The following FSTL4 variants were observed in gnomAD, a reference collection of about 807,000 sequenced individuals.
FSTL4 encodes follistatin-related protein 4.
A neutral mutation model predicts 78.2 loss-of-function variants in FSTL4; 28 were observed. That is an observed-to-expected ratio of 0.36 (90% CI 0.27 to 0.49). The LOEUF (loss-of-function observed/expected upper bound fraction) is 0.49, where lower values mean the gene tolerates loss of function less well. Ranked by LOEUF, FSTL4 falls within the 20% of genes least tolerant of loss-of-function variation. The pLI is 0.98. For synonymous variants in FSTL4, 422 were observed against 440.5 expected, an observed-to-expected ratio of 0.96 and a Z score of 0.53; for missense variants, 922 against 1,084.9, an observed-to-expected ratio of 0.85 and a Z score of 2.11.
At chr5:133,643,356 C>T in the FSTL4 span, among the ~76,000 whole-genome samples, 1 of 152,174 alleles carries the variant, frequency 6.6e-6, no homozygotes, top group African/African-American at 2.4e-5. Flanking sequence ...TCATCAAAAA[C>T]CCTATAAGGC....
chr5:133,463,534 G>C (rs889298804), intron 3 of FSTL4, among the ~76,000 whole-genome samples: 3 of 152,152 alleles, frequency 2.0e-5, no homozygotes, highest in African/African-American at 7.2e-5. Flanking sequence ...CCTGTGCTTT[G>C]TGTTTCTTCT....
At chr5:133,249,875 C>T (rs1240057090) in intron 6 of FSTL4, among the ~76,000 whole-genome samples, 1 of 152,200 alleles carries the variant, frequency 6.6e-6, no homozygotes, top group Non-Finnish European at 1.5e-5. Flanking sequence ...ATGTGGGCTG[C>T]GAAGGCCAGG....
Position 133,611,484 on chromosome 5 carries a change from TC to T in FSTL4, c.-11+840del, listed in dbSNP as rs1761090763. On this transcript the variant is annotated intron_variant, in intron 1 of 15. Coordinates refer to ENST00000265342, the MANE Select transcript of FSTL4 (RefSeq NM_015082.2). This position sits in a 1 kb window ranked among gnomAD's most constrained non-coding sequence, Gnocchi z 4.9. ...GCTGTGCCTGCCTCGTCCAGGTCCC[TC>T]CTGAAACTCAGAACTCGTCTTTGTT... Among the ~76,000 whole-genome samples, 2 of 152,146 alleles carry T rather than the reference TC, an allele frequency of 1.3e-5. No homozygotes were observed. Among genetic ancestry groups the T allele is most frequent in the Non-Finnish European group, 2.9e-5 (2 of 68,016 alleles).
chr5:133,451,317 T>C (rs1269435968), intron 3 of FSTL4, among the ~76,000 whole-genome samples: 1 of 152,126 alleles, frequency 6.6e-6, no homozygotes, highest in Non-Finnish European at 1.5e-5. Flanking sequence ...TCCCAGCACT[T>C]TGGGAGGCAG....
the FSTL4 span, among the ~76,000 whole-genome samples, chr5:133,710,377 G>T: frequency 1.4e-4 from 21 of 152,130 alleles, no homozygotes; most frequent in Non-Finnish European, 2.4e-4. Flanking sequence ...TGTCCCATTT[G>T]CCAGGGACAG....
chr5:133,561,453 C>T (rs575861472), intron 3 of FSTL4, among the ~76,000 whole-genome samples: 2 of 152,270 alleles, frequency 1.3e-5, no homozygotes, highest in South Asian at 2.1e-4. Flanking sequence ...TTTGCAAACC[C>T]TGAGGGGATT....
chr5:133,771,471 G>T, the FSTL4 span, among the ~76,000 whole-genome samples: 5 of 151,984 alleles, frequency 3.3e-5, no homozygotes, highest in South Asian at 1.0e-3. Context: ...GTTTAGTTTT[G>T]TTGTTGTTGC....
At chr5:133,837,943 A>G in the FSTL4 span, among the ~76,000 whole-genome samples, 1 of 152,122 alleles carries the variant, frequency 6.6e-6, no homozygotes, top group African/African-American at 2.4e-5. Flanking sequence ...GCTGGAGTGC[A>G]ATGGCACAAT....
At chr5:133,259,607 T>G (rs1047771004) in intron 6 of FSTL4, among the ~76,000 whole-genome samples, 5 of 151,156 alleles carry the variant, frequency 3.3e-5, no homozygotes, top group African/African-American at 1.2e-4. Context: ...CAGAAGGATT[T>G]TAAGTCAATC....
chr5:133,692,261 G>GC, the FSTL4 span, among the ~76,000 whole-genome samples: 1 of 152,138 alleles, frequency 6.6e-6, no homozygotes, highest in Non-Finnish European at 1.5e-5. Flanking sequence ...GCACATTCAC[G>GC]CCCCCAAGAT....
chr5:133,579,959 C>G (rs12517570), intron 2 of FSTL4, among the ~76,000 whole-genome samples: 1 of 152,090 alleles, frequency 6.6e-6, no homozygotes, highest in Non-Finnish European at 1.5e-5. Context: ...GGGAAAGGGC[C>G]GGCTGGGAGC....
At chr5:133,391,242 A>G (rs1287033338) in intron 4 of FSTL4, among the ~76,000 whole-genome samples, 1 of 152,194 alleles carries the variant, frequency 6.6e-6, no homozygotes, top group African/African-American at 2.4e-5. Flanking sequence ...GGGGGCCTTG[A>G]TCTTAATTGA....
chr5:133,760,057 G>A, the FSTL4 span, among the ~76,000 whole-genome samples: 2 of 152,210 alleles, frequency 1.3e-5, 1 homozygote, highest in East Asian at 3.9e-4. Context: ...CAGTCTATGA[G>A]GACAGTAAGA....
At chr5:133,675,090 G>A in the FSTL4 span, among the ~76,000 whole-genome samples, 1 of 152,034 alleles carries the variant, frequency 6.6e-6, no homozygotes, top group African/African-American at 2.4e-5. Flanking sequence ...TGACCTGATG[G>A]TGTTGGGGCA....
chr5:133,473,749 C>T (rs896620225), intron 3 of FSTL4, among the ~76,000 whole-genome samples: 2 of 152,148 alleles, frequency 1.3e-5, no homozygotes, highest in Non-Finnish European at 2.9e-5. Flanking sequence ...CTCACAGTTT[C>T]CCATGGCTAG....
chr5:133,231,305 C>A (rs927012294), intron 8 of FSTL4, among the ~76,000 whole-genome samples: 1 of 152,010 alleles, frequency 6.6e-6, no homozygotes, highest in Non-Finnish European at 1.5e-5. Flanking sequence ...CAGCTCCTAC[C>A]CGTGCCAGAG....
At chr5:133,416,997 C>T (rs1323264000) in intron 3 of FSTL4, among the ~76,000 whole-genome samples, 1 of 152,134 alleles carries the variant, frequency 6.6e-6, no homozygotes, top group Non-Finnish European at 1.5e-5. Flanking sequence ...ATTGAACATA[C>T]TTGAAAAAAT....
At chr5:133,726,999 G>T in the FSTL4 span, among the ~76,000 whole-genome samples, 6 of 151,960 alleles carry the variant, frequency 3.9e-5, no homozygotes, top group Non-Finnish European at 7.4e-5. Flanking sequence ...GTGGCATGTC[G>T]GTGTATTAAC....
intron 11 of FSTL4, among the ~76,000 whole-genome samples, chr5:133,221,702 G>C (rs566786674): frequency 2.0e-5 from 3 of 152,146 alleles, no homozygotes; most frequent in Non-Finnish European, 4.4e-5. Context: ...TCTCTATAAA[G>C]GGGGAACAAG....
Sources: allele counts gnomAD v4.1 joint callset (sites outside exome capture counted in the v4.1 genomes callset), GRCh38; gene constraint gnomAD v4.1.1; non-coding constraint Gnocchi (gnomAD v3.1); transcripts MANE v1.5; gene names NCBI Gene and HGNC (gene_info 2026-07-23, HGNC 2026-07-21).